The following PPHLN1 variants were observed in gnomAD, a reference collection of about 807,000 sequenced individuals.
PPHLN1 encodes the protein periphilin-1.
A neutral mutation model predicts 51.3 loss-of-function variants in PPHLN1; 29 were observed. That is an observed-to-expected ratio of 0.57 (90% CI 0.42 to 0.77). The LOEUF (loss-of-function observed/expected upper bound fraction) is 0.77. Among genes scored for constraint, PPHLN1 ranks in the 30% least tolerant of loss-of-function variants. PPHLN1 has a pLI of 0.00. For synonymous variants in PPHLN1, 147 were observed against 147.8 expected (o/e 0.99, Z 0.04); for missense variants, 436 against 438.4 (o/e 0.99, Z 0.05).
At chr12:42,406,920 T>G (rs1190255120) in intron 9 of PPHLN1, among the ~76,000 whole-genome samples, 2 of 152,202 alleles carry the variant, frequency 1.3e-5, no homozygotes, top group Non-Finnish European at 2.9e-5. Context: ...TTTTTTCCAC[T>G]TGGACATCAA....
rs71084653 is a variant in PPHLN1, at chr12:42,426,172, C to CCACACACACACACA, written c.910-15099_910-15086dup. ...TTAAAGTACAGTATTAGACTTGACA[C>CCACACACACACACA]CACACACACACACACACACACACAC... On this transcript the variant is annotated intron_variant, in intron 9 of 9. Coordinates refer to ENST00000358314, the MANE Select transcript of PPHLN1 (RefSeq NM_201439.2). 3.9e-3 allele frequency among the ~76,000 whole-genome samples: 475 copies of CCACACACACACACA among 122,158 alleles called. 10 individuals carry two copies. The highest frequency in any genetic ancestry group is 7.3e-3 in the East Asian group (29 of 3,976). The allele number at this position is 122,158 out of a possible 152,430, so 80.1% of individuals were successfully genotyped here.
At chr12:42,389,218 A>G (rs2139098528) in intron 7 of PPHLN1, among the ~76,000 whole-genome samples, 1 of 151,830 alleles carries the variant, frequency 6.6e-6, no homozygotes, top group Middle Eastern at 3.5e-3. Context: ...TAAAAATACA[A>G]AAAAATTAGC....
In PPHLN1 at chr12:42,352,006, G is replaced by A; in HGVS notation, c.194G>A (p.Arg65His). ...GATTACCGAGACTATGACGAGGGCC[G>A]CAGTTTTTCTCATGATCGAAGAAGT... ...HVDYRDYDEG[R>H]SFSHDRRSGP... The change falls in exon 3 of 10, where the codon CGC (arginine) becomes CAC (histidine). Residue 65 changes from arginine to histidine, a missense_variant. Arg to His is a conservative substitution (Grantham distance 29, BLOSUM62 0). Coordinates refer to ENST00000358314, the MANE Select transcript of PPHLN1 (RefSeq NM_201439.2). The A allele has an allele frequency of 5.8e-6, 9 of 1,547,202 alleles. No individual in the cohort carries two copies. The highest frequency in any genetic ancestry group is 1.4e-5 in the African/African-American group (1 of 70,954).
At position 42,335,920 on chromosome 12, in the gene PPHLN1, A is replaced by G. The variant is rs1303482717; in HGVS notation, c.18A>G (p.Arg6=). The change falls in exon 2 of 10, where the codon CGA becomes CGG. Residue 6 remains arginine, a synonymous_variant. Coordinates refer to ENST00000358314, the MANE Select transcript of PPHLN1 (RefSeq NM_201439.2). The part of the protein sequence containing the change: MWSEG[R]YEYERIPRER... Reference sequence around the variant, plus strand: ...GAGACGAAATGTGGTCTGAGGGACGATATGAATATGAAAGAATTCCGAGAG... The same window carrying G: ...GAGACGAAATGTGGTCTGAGGGACGGTATGAATATGAAAGAATTCCGAGAG... 6 of 1,587,248 alleles carry G rather than the reference A, an allele frequency of 3.8e-6. No individual in the cohort carries two copies. The Admixed American group carries it at 1.0e-4, about 28-fold the overall frequency.
chr12:42,346,582 C>T (rs796124000), intron 2 of PPHLN1, among the ~76,000 whole-genome samples: 6 of 152,174 alleles, frequency 3.9e-5, no homozygotes, highest in African/African-American at 1.4e-4. Context: ...GTGGTGATTT[C>T]ATCGCCTTTG....
chr12:42,445,489 A>G (rs918284951), downstream of PPHLN1: 6 of 215,566 alleles, frequency 2.8e-5, no homozygotes, highest in Admixed American at 5.3e-5. Context: ...GTTGACACCT[A>G]TTCTCACCTA....
At chr12:42,417,677 C>G (rs915682680) in intron 9 of PPHLN1, among the ~76,000 whole-genome samples, 8 of 151,196 alleles carry the variant, frequency 5.3e-5, no homozygotes, top group African/African-American at 1.9e-4. Context: ...TAAAAGTTGC[C>G]CCCTGATAAG....
intron 4 of PPHLN1, among the ~76,000 whole-genome samples, chr12:42,364,090 G>T (rs1282627827): frequency 6.6e-6 from 1 of 152,062 alleles, no homozygotes; most frequent in Non-Finnish European, 1.5e-5. Context: ...CAGGCATGGT[G>T]GCACGTGCCT....
At position 42,441,581 on chromosome 12, in the gene PPHLN1, T is replaced by C. The variant is rs1006540713; in HGVS notation, c.*72T>C. The C allele has an allele frequency of 4.9e-5, 68 of 1,397,514 alleles. No individual in the cohort carries two copies. Among genetic ancestry groups the C allele is most frequent in the Non-Finnish European group, 6.1e-5 (66 of 1,073,930 alleles). 86.6% of individuals were successfully genotyped at this position (1,397,514 alleles called of 1,614,324 possible). ...TTTTTTTCCTGGATTGTGTAAATCC[T>C]TAATATATGGAATTTTTGTGATGCA... On this transcript the variant is annotated 3_prime_UTR_variant, in exon 10 of 10. Transcript: ENST00000358314.
intron 9 of PPHLN1, among the ~76,000 whole-genome samples, chr12:42,406,268 A>G (rs2139431344): frequency 6.6e-6 from 1 of 151,746 alleles, no homozygotes; most frequent in Admixed American, 6.6e-5. Context: ...TATTTTTAGT[A>G]GAGATGGGGT....
At chr12:42,420,525 C>T (rs1473099308) in intron 9 of PPHLN1, among the ~76,000 whole-genome samples, 6 of 150,630 alleles carry the variant, frequency 4.0e-5, no homozygotes, top group Non-Finnish European at 8.9e-5. Flanking sequence ...CTAGGGAGTG[C>T]GGTGGCACCA....
At chr12:42,445,091 G>T, downstream of PPHLN1, 1 of 702,336 alleles carries the variant, frequency 1.4e-6, no homozygotes, top group Non-Finnish European at 2.6e-6. Context: ...AGCCGGCCCT[G>T]TGTGCCTTTT....
intron 4 of PPHLN1, among the ~76,000 whole-genome samples, chr12:42,357,223 T>C (rs568331223): frequency 3.0e-4 from 46 of 151,980 alleles, no homozygotes; most frequent in Non-Finnish European, 6.0e-4. Flanking sequence ...GTAATTCAAT[T>C]TGGTTCCAGT....
At chr12:42,340,313 A>C (rs1361992297) in intron 2 of PPHLN1, among the ~76,000 whole-genome samples, 1 of 138,468 alleles carries the variant, frequency 7.2e-6, no homozygotes, top group African/African-American at 2.8e-5. Flanking sequence ...TCCTGTCTCA[A>C]AAAAAAAAAA....
chr12:42,342,607 GGAA>G lies in PPHLN1; in HGVS notation c.72+6634_72+6636del, dbSNP rs555814201. On this transcript the variant is annotated intron_variant, in intron 2 of 9. Coordinates refer to ENST00000358314, the MANE Select transcript of PPHLN1 (RefSeq NM_201439.2). ...AGAATTTTTAAAAGTTGTAATGTTT[GGAA>G]ATTAGGATCAGAGCACTAGCAGTTT... is the stretch of plus-strand genomic sequence containing the variant. Among the ~76,000 whole-genome samples the G allele has an allele frequency of 2.6e-3, 398 of 152,312 alleles. 1 individual carries two copies. Among genetic ancestry groups the G allele is most frequent in the African/African-American group, 9.1e-3 (380 of 41,560 alleles).
At chr12:42,430,548 G>A (rs1034837217) in intron 9 of PPHLN1, among the ~76,000 whole-genome samples, 1 of 151,858 alleles carries the variant, frequency 6.6e-6, no homozygotes, top group Non-Finnish European at 1.5e-5. Flanking sequence ...GGCGTGTAGA[G>A]TGCTATGGTG....
At chr12:42,431,245 C>T (rs1472628568) in intron 9 of PPHLN1, among the ~76,000 whole-genome samples, 1 of 152,078 alleles carries the variant, frequency 6.6e-6, no homozygotes, top group Non-Finnish European at 1.5e-5. Context: ...CAGTTCAGTG[C>T]AAAATATTTT....
chr12:42,387,627 A>G (rs1480501033), intron 7 of PPHLN1, 92 bp downstream of exon 7: 1 of 1,438,998 alleles, frequency 6.9e-7, no homozygotes, highest in Non-Finnish European at 9.2e-7. Flanking sequence ...CTGTTATGCC[A>G]AGGGAGCTAA....
intron 4 of PPHLN1, among the ~76,000 whole-genome samples, chr12:42,360,458 CTTTTTT>C (rs71084642): frequency 3.9e-4 from 22 of 56,290 alleles, no homozygotes; most frequent in African/African-American, 7.6e-4. Context: ...ATGCTGAATT[CTTTTTT>C]TTTTTTTTTT....
Sources: gnomAD v4.1 joint callset for allele counts (sites outside exome capture counted in the v4.1 genomes callset) on GRCh38, gnomAD v4.1.1 for gene constraint, MANE v1.5 for transcripts, NCBI Gene and HGNC (gene_info 2026-07-23, HGNC 2026-07-21) for gene names.